Variants in PRMT8 observed in about 807,000 individuals in gnomAD.
PRMT8 encodes protein arginine N-methyltransferase 8.
PRMT8 carries 7 observed loss-of-function variants against 47.1 expected under a neutral mutation model. The observed-to-expected ratio is 0.15, with a 90% confidence interval of 0.08 to 0.28. The LOEUF is 0.28. Among genes scored for constraint, PRMT8 ranks in the 10% least tolerant of loss-of-function variants. The pLI is 1.00. For missense variants in PRMT8, 237 were observed against 505.4 expected (o/e 0.47, Z 5.09); for synonymous variants, 188 against 186.5 (o/e 1.01, Z -0.07).
At chr12:3,496,884 G>C (rs1423560171) in intron 1 of PRMT8, among the ~76,000 whole-genome samples, 1 of 150,306 alleles carries the variant, frequency 6.7e-6, no homozygotes, top group Admixed American at 6.6e-5. Context: ...CAGTCCTTAA[G>C]TGAGCTCAGG....
intron 1 of PRMT8, among the ~76,000 whole-genome samples, chr12:3,382,947 C>T (rs1421127793): frequency 6.6e-6 from 1 of 152,150 alleles, no homozygotes; most frequent in East Asian, 1.9e-4. Flanking sequence ...GCTCCAGTAC[C>T]ATTTGATGAA....
chr12:3,481,488 C>T (rs539734769), intron 1 of PRMT8, among the ~76,000 whole-genome samples: 30 of 152,306 alleles, frequency 2.0e-4, no homozygotes, highest in African/African-American at 6.7e-4. Flanking sequence ...ACTCTGAACA[C>T]AGGGAGTGGG....
upstream of PRMT8, among the ~76,000 whole-genome samples, chr12:3,486,985 T>C (rs1274166760): frequency 6.6e-6 from 1 of 152,232 alleles, no homozygotes; most frequent in Non-Finnish European, 1.5e-5. Flanking sequence ...TTAAAAATAT[T>C]GGGCCTTGGG....
intron 3 of PRMT8, 30 bp from the exon 4 acceptor site, chr12:3,553,621 C>G: frequency 6.4e-7 from 1 of 1,559,406 alleles, no homozygotes; most frequent in Non-Finnish European, 8.8e-7. Flanking sequence ...TTTTTTGACG[C>G]CTTGCTCCTT....
At chr12:3,452,906 G>A (rs1864936223) in intron 1 of PRMT8, among the ~76,000 whole-genome samples, 1 of 152,240 alleles carries the variant, frequency 6.6e-6, no homozygotes, top group Non-Finnish European at 1.5e-5. Context: ...GGGGTGGTGA[G>A]AGGACAATTC....
At chr12:3,442,085 C>T (rs936538678) in intron 1 of PRMT8, among the ~76,000 whole-genome samples, 5 of 152,104 alleles carry the variant, frequency 3.3e-5, no homozygotes, top group African/African-American at 1.2e-4. Flanking sequence ...ATGCATAGCA[C>T]CGAATTCTTA....
chr12:3,491,197 C>A (rs772768537), upstream of PRMT8: 14 of 993,466 alleles, frequency 1.4e-5, no homozygotes, highest in Non-Finnish European at 1.6e-5. Context: ...GCGCAGGAAG[C>A]GTGTTGCTTC....
chr12:3,464,223 T>C (rs1865067331), intron 1 of PRMT8, among the ~76,000 whole-genome samples: 2 of 151,716 alleles, frequency 1.3e-5, no homozygotes, highest in South Asian at 4.2e-4. Flanking sequence ...GGGAACAAAG[T>C]TATACAGACA....
chr12:3,483,871 C>G (rs1314001112), intron 1 of PRMT8, among the ~76,000 whole-genome samples: 1 of 152,136 alleles, frequency 6.6e-6, no homozygotes, highest in Non-Finnish European at 1.5e-5. Flanking sequence ...GCCCAGTAGC[C>G]TGTATTGCTG....
intron 1 of PRMT8, among the ~76,000 whole-genome samples, chr12:3,478,095 G>A (rs1164187943): frequency 6.6e-6 from 1 of 152,136 alleles, no homozygotes; most frequent in Non-Finnish European, 1.5e-5. Flanking sequence ...GGAGGCCCAG[G>A]AAAGGTTTGG....
intron 1 of PRMT8, among the ~76,000 whole-genome samples, chr12:3,482,670 T>A (rs1291916561): frequency 6.6e-6 from 1 of 152,292 alleles, no homozygotes; most frequent in Admixed American, 6.5e-5. Context: ...CTCTGGCCTC[T>A]GGGGCTGGGG....
At chr12:3,397,784 G>A (rs1864271778) in intron 1 of PRMT8, among the ~76,000 whole-genome samples, 4 of 152,122 alleles carry the variant, frequency 2.6e-5, no homozygotes, top group Admixed American at 1.3e-4. Flanking sequence ...GCAAGCCCGG[G>A]CAATGGCGGG....
intron 1 of PRMT8, among the ~76,000 whole-genome samples, chr12:3,528,888 G>A (rs1865984444): frequency 1.3e-5 from 2 of 152,146 alleles, no homozygotes; most frequent in South Asian, 4.2e-4. Flanking sequence ...ACTATTCAGG[G>A]GAACAACAAC....
chr12:3,492,633 G>A lies in PRMT8; in HGVS notation c.75+933G>A, dbSNP rs1215214712. ...CCGAGACTCGAGGCTGTGATCCCTCGCCTCCCTCTGACCCCGCTGTCATTA... is the reference window on the plus strand; with the variant it reads ...CCGAGACTCGAGGCTGTGATCCCTCACCTCCCTCTGACCCCGCTGTCATTA... On this transcript the variant is annotated intron_variant, in intron 1 of 9. Coordinates refer to ENST00000382622, the MANE Select transcript of PRMT8 (RefSeq NM_019854.5). The surrounding 1 kb of genome is among the most constrained non-coding windows in gnomAD (Gnocchi z 7.5). 6.6e-6 allele frequency among the ~76,000 whole-genome samples: 1 copy of A among 152,114 alleles called. No individual in the cohort carries two copies. Among genetic ancestry groups the A allele is most frequent in the Non-Finnish European group, 1.5e-5 (1 of 68,020 alleles).
chr12:3,458,745 G>T (rs1591555997), intron 1 of PRMT8, among the ~76,000 whole-genome samples: 1 of 152,092 alleles, frequency 6.6e-6, no homozygotes, highest in East Asian at 1.9e-4. Context: ...TGGCTTTGGT[G>T]CACTTTGTGT....
intron 1 of PRMT8, among the ~76,000 whole-genome samples, chr12:3,459,118 C>T (rs1442842098): frequency 6.6e-6 from 1 of 152,236 alleles, no homozygotes; most frequent in African/African-American, 2.4e-5. Flanking sequence ...CCCCCAAACT[C>T]TTCTGGATTT....
chr12:3,540,862 A>G, intron 2 of PRMT8, 71 bp downstream of exon 2: 2 of 1,487,606 alleles, frequency 1.3e-6, no homozygotes, highest in Admixed American at 1.8e-5. Flanking sequence ...CAGAGGCAGC[A>G]TAGTGTGTTC....
At chr12:3,534,685 T>C (rs1207037925) in intron 1 of PRMT8, among the ~76,000 whole-genome samples, 3 of 152,230 alleles carry the variant, frequency 2.0e-5, no homozygotes, top group African/African-American at 7.2e-5. Context: ...AGTTATTGCC[T>C]GTTGACTCTC....
chr12:3,405,097 C>T (rs1185014763), intron 1 of PRMT8, among the ~76,000 whole-genome samples: 1 of 152,166 alleles, frequency 6.6e-6, no homozygotes, highest in Non-Finnish European at 1.5e-5. Context: ...AATTGAGTCA[C>T]AGTTCAGCAT....
Sources: gnomAD v4.1 joint callset for allele counts (sites outside exome capture counted in the v4.1 genomes callset) on GRCh38, gnomAD v4.1.1 for gene constraint, Gnocchi (gnomAD v3.1) non-coding constraint, MANE v1.5 for transcripts, NCBI Gene and HGNC (gene_info 2026-07-23, HGNC 2026-07-21) for gene names.